ARHGAP15: variants seen among roughly 807,000 people sequenced by gnomAD.
ARHGAP15 encodes the protein rho GTPase-activating protein 15.
A neutral mutation model predicts 63.7 loss-of-function variants in ARHGAP15; 51 were observed. That is an observed-to-expected ratio of 0.80 (90% CI 0.64 to 1.01). ARHGAP15 has a LOEUF of 1.01. Among genes scored for constraint, ARHGAP15 ranks in the 50% least tolerant of loss-of-function variants. The probability of loss-of-function intolerance (pLI) is 0.00; values close to 1 mark genes in which losing one functional copy is unlikely to be tolerated. For missense variants in ARHGAP15, 560 were observed against 564.6 expected, an observed-to-expected ratio of 0.99 and a Z score of 0.08; for synonymous variants, 191 against 193.8, an observed-to-expected ratio of 0.99 and a Z score of 0.12.
chr2:143,380,383 A>G (rs990579697), intron 6 of ARHGAP15, among the ~76,000 whole-genome samples: 2 of 152,120 alleles, frequency 1.3e-5, no homozygotes, highest in African/African-American at 4.8e-5. Context: ...CACGTCAACC[A>G]TATGGTATCA....
chr2:143,344,420 T>A (rs897635579), intron 6 of ARHGAP15, among the ~76,000 whole-genome samples: 7 of 152,140 alleles, frequency 4.6e-5, no homozygotes, highest in Admixed American at 4.6e-4. Flanking sequence ...TATGTAATTA[T>A]TTACTCAAGT....
At chr2:143,257,272 C>A (rs970603706) in intron 6 of ARHGAP15, among the ~76,000 whole-genome samples, 1 of 151,954 alleles carries the variant, frequency 6.6e-6, no homozygotes, top group Non-Finnish European at 1.5e-5. Flanking sequence ...AGCATGCAAC[C>A]GGATGACAGT....
In ARHGAP15 at chr2:143,658,445, A is replaced by C. The variant is rs144240904; in HGVS notation, c.1138+34178A>C. 1.7e-3 allele frequency among the ~76,000 whole-genome samples: 255 copies of C among 152,304 alleles called. 1 individual carries two copies. The highest frequency in any genetic ancestry group is 5.6e-3 in the African/African-American group (232 of 41,572). On this transcript the variant is annotated intron_variant, in intron 12 of 13. Coordinates refer to ENST00000295095, the MANE Select transcript of ARHGAP15 (RefSeq NM_018460.4). The stretch of plus-strand genomic sequence containing the variant: ...TCCTGTAAACTACTGAGAGACTTCC[A>C]ATTATTCTTATGTTGGTATCAAGTA...
chr2:143,484,697 T>C (rs764444182), intron 8 of ARHGAP15, among the ~76,000 whole-genome samples: 10 of 152,180 alleles, frequency 6.6e-5, no homozygotes, highest in Non-Finnish European at 1.5e-4. Context: ...ATATGTATAA[T>C]GTAAAATCTT....
intron 6 of ARHGAP15, among the ~76,000 whole-genome samples, chr2:143,256,668 T>C (rs1196575393): frequency 6.6e-6 from 1 of 152,208 alleles, no homozygotes; most frequent in Non-Finnish European, 1.5e-5. Flanking sequence ...GTTTTTCTGA[T>C]TGAAGGGAAA....
intron 11 of ARHGAP15, among the ~76,000 whole-genome samples, chr2:143,610,578 G>A (rs1285902437): frequency 3.3e-5 from 5 of 152,092 alleles, no homozygotes; most frequent in Non-Finnish European, 5.9e-5. Context: ...CAACCCATGT[G>A]TTTCATTCCT....
chr2:143,260,271 A>G (rs1259739700), intron 6 of ARHGAP15, among the ~76,000 whole-genome samples: 1 of 152,184 alleles, frequency 6.6e-6, no homozygotes, highest in Non-Finnish European at 1.5e-5. Context: ...TCAGTGTATT[A>G]ACTCATTCTT....
chr2:143,597,067 C>A (rs1697546246), intron 11 of ARHGAP15, among the ~76,000 whole-genome samples: 1 of 152,004 alleles, frequency 6.6e-6, no homozygotes, highest in South Asian at 2.1e-4. Flanking sequence ...TTTAAACAGG[C>A]CTCTCCTATT....
intron 13 of ARHGAP15, among the ~76,000 whole-genome samples, chr2:143,738,337 T>C (rs1685834648): frequency 6.6e-6 from 1 of 152,202 alleles, no homozygotes; most frequent in African/African-American, 2.4e-5. Flanking sequence ...TCACTAGTAG[T>C]CTGTGGAGTC....
rs780963717 is a variant in ARHGAP15 at position 143,409,240 on chromosome 2, C to T, written c.475-26361C>T. On this transcript the variant is annotated intron_variant, in intron 6 of 13. Coordinates refer to ENST00000295095, the MANE Select transcript of ARHGAP15 (RefSeq NM_018460.4). ...CATTGACACATATATCATACACCCA[C>T]ACCTACCAATAGAAAACAACAACAA... 4.4e-4 allele frequency among the ~76,000 whole-genome samples: 67 copies of T among 151,944 alleles called. 1 individual carries two copies. The highest frequency in any genetic ancestry group is 3.9e-4 in the Admixed American group (6 of 15,264).
intron 13 of ARHGAP15, among the ~76,000 whole-genome samples, chr2:143,711,713 G>C (rs1386710101): frequency 6.6e-6 from 1 of 152,118 alleles, no homozygotes; most frequent in East Asian, 1.9e-4. Flanking sequence ...AGGATAGCTT[G>C]AGCTCAGGAA....
intron 10 of ARHGAP15, among the ~76,000 whole-genome samples, chr2:143,547,013 G>T (rs1241013279): frequency 2.0e-5 from 3 of 151,902 alleles, no homozygotes; most frequent in Non-Finnish European, 2.9e-5. Flanking sequence ...CATCATCTTT[G>T]GTCTGATCAG....
intron 4 of ARHGAP15, among the ~76,000 whole-genome samples, chr2:143,226,070 A>T (rs1044156878): frequency 6.6e-6 from 1 of 152,254 alleles, no homozygotes; most frequent in African/African-American, 2.4e-5. Context: ...ATAAGGCGTC[A>T]GAGCAAGTCA....
intron 6 of ARHGAP15, among the ~76,000 whole-genome samples, chr2:143,396,566 G>GT (rs1319566604): frequency 6.6e-6 from 1 of 151,012 alleles, no homozygotes; most frequent in Non-Finnish European, 1.5e-5. Context: ...GTGCGTGTGT[G>GT]TTTTTTAAGT....
Position 143,689,952 on chromosome 2 carries a change from G to C in ARHGAP15, c.1139-13467G>C, listed in dbSNP as rs553658886. Among the ~76,000 whole-genome samples, 14 of 152,294 alleles carry C rather than the reference G, an allele frequency of 9.2e-5. No homozygotes were observed. The South Asian group carries it at 2.7e-3, about 29-fold the overall frequency. On this transcript the variant is annotated intron_variant, in intron 12 of 13. Coordinates refer to ENST00000295095, the MANE Select transcript of ARHGAP15 (RefSeq NM_018460.4). ...AAGAGAAGTCTTGATGTGTAGCTTA[G>C]AAAGGAAGGCGACTGGTGAGAAGGG...
rs1689957969 is a variant in ARHGAP15, at chr2:143,153,843, T to TTCTTCTTCTTCCTCTTCCTCCTCC, written c.-14-1632_-14-1631insTTCTTCTTCCTCTTCCTCCTCCTC. Among the ~76,000 whole-genome samples, 9 of 86,892 alleles carry TTCTTCTTCTTCCTCTTCCTCCTCC rather than the reference T, an allele frequency of 1.0e-4. 2 individuals are homozygous for TTCTTCTTCTTCCTCTTCCTCCTCC. The East Asian group carries it at 1.7e-3, about 16-fold the overall frequency. The allele number at this position is 86,892 out of a possible 152,430, so 57.0% of individuals were successfully genotyped here. ...CTTCTTCTTCTTCTTCTTCTTCTTC[T>TTCTTCTTCTTCCTCTTCCTCCTCC]TCCTCCTCCTCCTCCTCCTCCTCCT... On this transcript the variant is annotated intron_variant, in intron 1 of 13. Coordinates refer to ENST00000295095, the MANE Select transcript of ARHGAP15 (RefSeq NM_018460.4).
At chr2:143,339,762 T>G (rs1019020039) in intron 6 of ARHGAP15, among the ~76,000 whole-genome samples, 1 of 152,194 alleles carries the variant, frequency 6.6e-6, no homozygotes, top group Non-Finnish European at 1.5e-5. Context: ...TTATACTTTA[T>G]GTGTGTTCAC....
rs570442145 is a variant in ARHGAP15, at chr2:143,442,546, T to C, written c.703+5504T>C. 3.4e-3 allele frequency among the ~76,000 whole-genome samples: 523 copies of C among 152,162 alleles called. 4 individuals are homozygous for C. The highest frequency in any genetic ancestry group is 5.7e-3 in the Non-Finnish European group (390 of 68,004). ...AGTGGCAGGGAGGGAATTTAAAGCC[T>C]CCGAGCCGGAAGAAATAATAGAAAA... On this transcript the variant is annotated intron_variant, in intron 8 of 13. Transcript: ENST00000295095.
intron 10 of ARHGAP15, among the ~76,000 whole-genome samples, chr2:143,520,739 C>A (rs932602538): frequency 6.6e-6 from 1 of 152,068 alleles, no homozygotes; most frequent in Non-Finnish European, 1.5e-5. Flanking sequence ...TTTCCAATAA[C>A]TAAATTGTCA....
Sources: gnomAD v4.1 joint callset for allele counts (sites outside exome capture counted in the v4.1 genomes callset) on GRCh38, gnomAD v4.1.1 for gene constraint, MANE v1.5 for transcripts, NCBI Gene and HGNC (gene_info 2026-07-23, HGNC 2026-07-21) for gene names.